The following RNF144A variants were observed in gnomAD, a reference collection of about 807,000 sequenced individuals.
The protein encoded by RNF144A is E3 ubiquitin-protein ligase RNF144A.
RNF144A carries 11 observed loss-of-function variants against 38.7 expected under a neutral mutation model. The ratio of observed to expected loss-of-function variants is 0.28; its 90% CI spans 0.18 to 0.47. The LOEUF (loss-of-function observed/expected upper bound fraction) is 0.47. Ranked by LOEUF, RNF144A falls within the 20% of genes least tolerant of loss-of-function variation. The pLI is 0.99. For synonymous variants in RNF144A, 149 were observed against 143.9 expected (o/e 1.04, Z -0.25); for missense variants, 316 against 377.2 (o/e 0.84, Z 1.34).
chr2:6,967,517 A>G (rs1364188002), intron 2 of RNF144A, among the ~76,000 whole-genome samples: 1 of 152,186 alleles, frequency 6.6e-6, no homozygotes, highest in African/African-American at 2.4e-5. Flanking sequence ...CCTGCCCTGG[A>G]GCAGCCCCCA....
intron 2 of RNF144A, among the ~76,000 whole-genome samples, chr2:6,960,748 G>GT (rs1189471335): frequency 6.6e-6 from 1 of 152,238 alleles, no homozygotes; most frequent in Non-Finnish European, 1.5e-5. Flanking sequence ...GTTCCCCGGT[G>GT]TGGAGGTATG....
intron 2 of RNF144A, among the ~76,000 whole-genome samples, chr2:6,988,803 A>G (rs888442999): frequency 2.0e-5 from 3 of 152,216 alleles, no homozygotes; most frequent in African/African-American, 7.2e-5. Flanking sequence ...CATAGCATCT[A>G]TGAAAATTAT....
chr2:7,014,385 A>G (rs1442046853), intron 3 of RNF144A, 69 bp from the exon 4 acceptor site: 3 of 1,015,308 alleles, frequency 3.0e-6, no homozygotes, highest in East Asian at 2.4e-5. Flanking sequence ...CCTTTTTTTA[A>G]TGCATCATGG....
At chr2:7,006,016 G>A (rs779384327) in intron 3 of RNF144A, among the ~76,000 whole-genome samples, 17 of 151,106 alleles carry the variant, frequency 1.1e-4, no homozygotes, top group Non-Finnish European at 2.4e-4. Context: ...TGTTTTTCTC[G>A]GTGGCATCAT....
intron 3 of RNF144A, among the ~76,000 whole-genome samples, chr2:7,005,514 C>T (rs1031824483): frequency 6.6e-6 from 1 of 152,152 alleles, no homozygotes; most frequent in African/African-American, 2.4e-5. Flanking sequence ...AGGGCTGTTG[C>T]AAAGAGCGAA....
At position 7,042,833 on chromosome 2, in the gene RNF144A, G is replaced by A. The variant is rs928251514; in HGVS notation, c.*3073G>A. On this transcript the variant is annotated 3_prime_UTR_variant, in exon 9 of 9. Coordinates refer to ENST00000320892, the MANE Select transcript of RNF144A (RefSeq NM_014746.6). ...CAACTCATAGGAGTAGCTGTGGACA[G>A]AGGAACCAACATCTGCCACCTCTGG... is the stretch of plus-strand genomic sequence containing the variant. 66 of 985,354 alleles carry A rather than the reference G, an allele frequency of 6.7e-5. No homozygotes were observed. The highest frequency in any genetic ancestry group is 7.8e-5 in the Non-Finnish European group (65 of 829,950). The allele number at this position is 985,354 out of a possible 1,614,324, so 61.0% of individuals were successfully genotyped here. A position where few individuals can be genotyped will look rare whatever the true frequency, so the allele number is the denominator to read the frequency against.
intron 1 of RNF144A, among the ~76,000 whole-genome samples, chr2:6,940,399 T>C (rs1036809604): frequency 6.6e-6 from 1 of 152,148 alleles, no homozygotes. Context: ...TTGAATGGAG[T>C]GTTTAAACCA....
At chr2:7,053,462 C>T (rs1476649584) in intron 6 of RNF144A, among the ~76,000 whole-genome samples, 1 of 152,140 alleles carries the variant, frequency 6.6e-6, no homozygotes, top group Non-Finnish European at 1.5e-5. Context: ...TCTGGAGGCT[C>T]AATGGGGGAA....
chr2:7,029,533 C>G (rs962016356), intron 7 of RNF144A, among the ~76,000 whole-genome samples: 1 of 152,182 alleles, frequency 6.6e-6, no homozygotes, highest in Non-Finnish European at 1.5e-5. Context: ...AGAAAGTGCT[C>G]CCCGGGCTGG....
At chr2:6,970,242 A>C (rs1214186227) in intron 2 of RNF144A, among the ~76,000 whole-genome samples, 1 of 152,164 alleles carries the variant, frequency 6.6e-6, no homozygotes, top group Non-Finnish European at 1.5e-5. Flanking sequence ...AGATGATTGA[A>C]TCATGGGGGC....
In RNF144A at chr2:7,023,278, A is replaced by G. The variant is rs116052978; in HGVS notation, c.510-1091A>G. Among the ~76,000 whole-genome samples the G allele has an allele frequency of 1.1e-4, 16 of 152,322 alleles. No homozygotes were observed. The South Asian group carries it at 2.9e-3, about 28-fold the overall frequency. ...CCAAGTGGAGGATTGTTCACTGCCA[A>G]TCATCAGACAGCTCCTACTAAAGTG... is the stretch of plus-strand genomic sequence containing the variant. On this transcript the variant is annotated intron_variant, in intron 6 of 8. Coordinates refer to ENST00000320892, the MANE Select transcript of RNF144A (RefSeq NM_014746.6).
intron 6 of RNF144A, among the ~76,000 whole-genome samples, chr2:7,063,260 G>A (rs990867797): frequency 3.3e-5 from 5 of 152,338 alleles, no homozygotes; most frequent in Admixed American, 2.0e-4. Flanking sequence ...AATAGACTTT[G>A]GAAGTTGCTT....
rs925075150 is a variant in RNF144A at position 7,042,931 on chromosome 2, G to C, written c.*3171G>C. The C allele has an allele frequency of 1.2e-6, 1 of 868,300 alleles. No individual in the cohort carries two copies. 53.8% of individuals were successfully genotyped at this position (868,300 alleles called of 1,614,324 possible). A position where few individuals can be genotyped will look rare whatever the true frequency, so the allele number is the denominator to read the frequency against. Reference sequence around the variant, plus strand: ...CCCCCAAGCTGGAGTACAATGACAGGATCTCGGCTCACTGCAAGCTCTGCC... The same window carrying C: ...CCCCCAAGCTGGAGTACAATGACAGCATCTCGGCTCACTGCAAGCTCTGCC... On this transcript the variant is annotated 3_prime_UTR_variant, in exon 9 of 9. Coordinates refer to ENST00000320892, the MANE Select transcript of RNF144A (RefSeq NM_014746.6).
At chr2:6,934,411 G>A (rs2103285224) in intron 1 of RNF144A, among the ~76,000 whole-genome samples, 1 of 152,136 alleles carries the variant, frequency 6.6e-6, no homozygotes, top group Admixed American at 6.5e-5. Context: ...TACATGTAAT[G>A]AGAATAATTA....
intron 1 of RNF144A, among the ~76,000 whole-genome samples, chr2:6,923,520 C>G (rs371655365): frequency 5.3e-5 from 8 of 152,354 alleles, no homozygotes; most frequent in African/African-American, 1.9e-4. Context: ...GGGACGCTCT[C>G]CCACCATCCA....
intron 3 of RNF144A, among the ~76,000 whole-genome samples, chr2:7,005,544 G>T (rs77409398): frequency 0.015 from 2,286 of 150,710 alleles, 59 homozygotes; most frequent in African/African-American, 0.054. Flanking sequence ...TGCCAAGCTG[G>T]CAGTTTCCAG....
intron 6 of RNF144A, among the ~76,000 whole-genome samples, chr2:7,049,719 G>A (rs1480628568): frequency 6.6e-6 from 1 of 152,194 alleles, no homozygotes; most frequent in African/African-American, 2.4e-5. Flanking sequence ...GAAACTTGCA[G>A]ATGATACTAA....
intron 2 of RNF144A, among the ~76,000 whole-genome samples, chr2:6,967,127 C>A (rs981339821): frequency 2.0e-5 from 3 of 152,266 alleles, no homozygotes; most frequent in South Asian, 2.1e-4. Context: ...TCCCAGCAAG[C>A]CTTTGCTTCT....
intron 2 of RNF144A, among the ~76,000 whole-genome samples, chr2:6,996,255 GAGA>G (rs752105222): frequency 6.6e-6 from 1 of 152,160 alleles, no homozygotes; most frequent in Non-Finnish European, 1.5e-5. Flanking sequence ...TTTAACACTG[GAGA>G]ACAGTTAAAT....
Sources: allele counts gnomAD v4.1 joint callset (sites outside exome capture counted in the v4.1 genomes callset), GRCh38; gene constraint gnomAD v4.1.1; transcripts MANE v1.5; gene names NCBI Gene and HGNC (gene_info 2026-07-23, HGNC 2026-07-21).